The following DAGLA variants were observed in gnomAD, a reference collection of about 807,000 sequenced individuals.
DAGLA encodes the protein diacylglycerol lipase alpha.
In DAGLA, 22 loss-of-function variants were observed where a neutral mutation model predicts 102.6. The observed-to-expected ratio is 0.21, with a 90% CI of 0.15 to 0.31. DAGLA has a LOEUF of 0.31. Among genes scored for constraint, DAGLA ranks in the 10% least tolerant of loss-of-function variants. DAGLA has a pLI of 1.00. For missense variants in DAGLA, 927 were observed against 1,446.6 expected, an observed-to-expected ratio of 0.64 and a Z score of 5.83; for synonymous variants, 578 against 628.9, an observed-to-expected ratio of 0.92 and a Z score of 1.21.
At position 61,737,235 on chromosome 11, in the gene DAGLA, G is replaced by A. The variant is rs756352707; in HGVS notation, c.1425G>A (p.Ala475=). 1.1e-5 allele frequency: 17 copies of A among 1,613,192 alleles called. No homozygotes were observed. Among genetic ancestry groups the A allele is most frequent in the South Asian group, 3.3e-5 (3 of 91,084 alleles). Residue 475 remains alanine, a synonymous_variant, in exon 14 of 20, where the codon GCG becomes GCA. Transcript: ENST00000257215. ...TTGTGGTGGGCCACTCCCTGGGCGC[G>A]GGCACTGCTGCCATCCTCTCCTTCC... ...GLIVVGHSLG[A]GTAAILSFLL...
chr11:61,741,066 C>A (rs2065474375), intron 18 of DAGLA, 96 bp from the exon 19 acceptor site: 2 of 1,257,144 alleles, frequency 1.6e-6, no homozygotes, highest in East Asian at 4.7e-5. Flanking sequence ...TGAGGCTTTG[C>A]TTGGCCTGAG....
At chr11:61,716,771 T>C (rs1022981429) in intron 1 of DAGLA, among the ~76,000 whole-genome samples, 16 of 152,160 alleles carry the variant, frequency 1.1e-4, no homozygotes, top group Admixed American at 9.8e-4. Context: ...AAAAAGAGTT[T>C]GCATTTTTAG....
rs1019089709 is a variant in DAGLA, at chr11:61,746,279, T to C, written c.*1790T>C. Reference sequence around the variant, plus strand: ...AGGACACCCTGGCCCTGCTGAGGCATACAGAGCTTCAGCCCAGCACAGAAG... The same window carrying C: ...AGGACACCCTGGCCCTGCTGAGGCACACAGAGCTTCAGCCCAGCACAGAAG... On this transcript the variant is annotated 3_prime_UTR_variant, in exon 20 of 20. Transcript: ENST00000257215. 1 of 152,394 alleles carries C rather than the reference T, an allele frequency of 6.6e-6. No individual in the cohort carries two copies. Among genetic ancestry groups the C allele is most frequent in the African/African-American group, 2.4e-5 (1 of 41,442 alleles). The allele number at this position is 152,394 out of a possible 1,614,324, so 9.4% of individuals were successfully genotyped here.
chr11:61,730,968 G>GT (rs927569553), intron 8 of DAGLA, among the ~76,000 whole-genome samples: 24 of 152,232 alleles, frequency 1.6e-4, no homozygotes, highest in Admixed American at 5.9e-4. Context: ...GATTGCCGAG[G>GT]TGGGGGGATT....
At chr11:61,687,581 G>A (rs1259889676) in intron 1 of DAGLA, among the ~76,000 whole-genome samples, 7 of 152,100 alleles carry the variant, frequency 4.6e-5, no homozygotes, top group Non-Finnish European at 7.4e-5. Context: ...CACCCGCCTC[G>A]CTCGGCCTCC....
chr11:61,729,130 C>A (rs531606833), intron 8 of DAGLA, 122 bp downstream of exon 8: 12 of 815,456 alleles, frequency 1.5e-5, no homozygotes, highest in Middle Eastern at 2.2e-4. Context: ...TGCCCGGTCT[C>A]CCCCCGGCTC....
intron 10 of DAGLA, 101 bp downstream of exon 10, chr11:61,735,103 T>C: frequency 1.4e-6 from 2 of 1,380,362 alleles, no homozygotes; most frequent in South Asian, 1.3e-5. Context: ...CTTGCTTGGC[T>C]GGTGCTGGCT....
chr11:61,737,393 G>A, intron 14 of DAGLA, 69 bp downstream of exon 14: 1 of 1,592,772 alleles, frequency 6.3e-7, no homozygotes, highest in Non-Finnish European at 8.5e-7. Context: ...GTTGGCTGGT[G>A]CTAGGGGCTG....
chr11:61,720,417 A>T (rs550698371), intron 2 of DAGLA, among the ~76,000 whole-genome samples, 167 bp downstream of exon 2: 59 of 152,128 alleles, frequency 3.9e-4, no homozygotes, highest in African/African-American at 1.3e-3. Context: ...GGGCAATGAC[A>T]CCCCTGCTAC....
intron 4 of DAGLA, 132 bp downstream of exon 4, chr11:61,723,092 G>T: frequency 1.3e-6 from 1 of 768,912 alleles, no homozygotes; most frequent in Non-Finnish European, 2.2e-6. Context: ...CAGGTTGGCT[G>T]GGCGAGACTG....
chr11:61,735,887 G>C, intron 12 of DAGLA, 71 bp downstream of exon 12: 1 of 1,407,674 alleles, frequency 7.1e-7, no homozygotes, highest in Admixed American at 2.1e-5. Flanking sequence ...AGGCGTGTAT[G>C]GTTGGGGGTT....
In DAGLA at chr11:61,734,641, C is replaced by G. The variant is rs1210782435; in HGVS notation, c.975-208C>G. On this transcript the variant is annotated intron_variant, in intron 9 of 19. Coordinates refer to ENST00000257215, the MANE Select transcript of DAGLA (RefSeq NM_006133.3). The surrounding 1 kb of genome is among the most constrained non-coding windows in gnomAD (Gnocchi z 4.2). Reference sequence around the variant, plus strand: ...GGGGAGAGGGAAGGGCCCACAGGGTCAGGTGCCGCCAAGAGCTCAGTTAAG... The same window carrying G: ...GGGGAGAGGGAAGGGCCCACAGGGTGAGGTGCCGCCAAGAGCTCAGTTAAG... Among the ~76,000 whole-genome samples, 1 of 152,162 alleles carries G rather than the reference C, an allele frequency of 6.6e-6. No individual in the cohort carries two copies. The highest frequency in any genetic ancestry group is 1.5e-5 in the Non-Finnish European group (1 of 68,008).
At chr11:61,718,288 GC>G (rs140281658) in intron 1 of DAGLA, among the ~76,000 whole-genome samples, 2 of 151,966 alleles carry the variant, frequency 1.3e-5, no homozygotes, top group Admixed American at 6.6e-5. Context: ...GGGGCGTACT[GC>G]CCCCCCAGCC....
intron 1 of DAGLA, among the ~76,000 whole-genome samples, chr11:61,688,314 CAAA>C (rs1186217122): frequency 8.2e-5 from 6 of 73,372 alleles, no homozygotes; most frequent in Admixed American, 1.6e-4. Flanking sequence ...AACTCTGTCT[CAAA>C]AAAAAAAAAA....
intron 13 of DAGLA, 35 bp from the exon 14 acceptor site, chr11:61,737,147 T>C (rs1193004575): frequency 6.2e-7 from 1 of 1,612,212 alleles, no homozygotes; most frequent in Non-Finnish European, 8.5e-7. Flanking sequence ...TGGCGGGCAT[T>C]GGGGCAGGGC....
intron 1 of DAGLA, among the ~76,000 whole-genome samples, chr11:61,707,165 G>C (rs1250639921): frequency 1.3e-5 from 2 of 152,258 alleles, no homozygotes; most frequent in Non-Finnish European, 2.9e-5. Context: ...TGCCACTGGG[G>C]CCAGAGGGGC....
At chr11:61,698,315 T>G (rs1288186803) in intron 1 of DAGLA, among the ~76,000 whole-genome samples, 3 of 152,244 alleles carry the variant, frequency 2.0e-5, no homozygotes, top group Non-Finnish European at 2.9e-5. Flanking sequence ...CCCAGCTCTC[T>G]GCAAGTTGGC....
chr11:61,690,460 T>G (rs1055927157), intron 1 of DAGLA, among the ~76,000 whole-genome samples: 1 of 152,196 alleles, frequency 6.6e-6, no homozygotes, highest in Non-Finnish European at 1.5e-5. Context: ...AAAAGCTATG[T>G]GGTGAGTCCT....
rs190570743 is a variant in DAGLA, at chr11:61,706,214, G to A, written c.-44-13898G>A. ...ACCGTAGGACTGAGAAGTTGGGGGC[G>A]GGGAAGGGACTCAGGATCAAATGGC... On this transcript the variant is annotated intron_variant, in intron 1 of 19. Transcript: ENST00000257215. Among the ~76,000 whole-genome samples, 32 of 152,364 alleles carry A rather than the reference G, an allele frequency of 2.1e-4. No individual in the cohort carries two copies. The East Asian group carries it at 5.6e-3, about 27-fold the overall frequency.
Sources: gnomAD v4.1 joint callset for allele counts (sites outside exome capture counted in the v4.1 genomes callset) on GRCh38, gnomAD v4.1.1 for gene constraint, Gnocchi (gnomAD v3.1) non-coding constraint, MANE v1.5 for transcripts, NCBI Gene and HGNC (gene_info 2026-07-23, HGNC 2026-07-21) for gene names.